F11R: variants seen among roughly 807,000 people sequenced by gnomAD.
The protein encoded by F11R is junctional adhesion molecule A.
Under a neutral mutation model 39.3 loss-of-function variants are expected in F11R, and 27 were observed. The observed-to-expected ratio is 0.69, with a 90% CI of 0.51 to 0.95. The LOEUF (loss-of-function observed/expected upper bound fraction) is 0.95. Among genes scored for constraint, F11R ranks in the 40% least tolerant of loss-of-function variants. The pLI, the probability that F11R is intolerant of heterozygous loss-of-function variation, is 0.00. For synonymous variants in F11R, 131 were observed against 144.9 expected, an observed-to-expected ratio of 0.90 and a Z score of 0.69; for missense variants, 335 against 372.7, an observed-to-expected ratio of 0.90 and a Z score of 0.83.
In F11R at chr1:160,996,034, C is replaced by T. The variant is rs1648100181; in HGVS notation, c.*2837G>A. 2.0e-5 allele frequency: 3 copies of T among 152,218 alleles called. No individual in the cohort carries two copies. Among genetic ancestry groups the T allele is most frequent in the African/African-American group, 7.2e-5 (3 of 41,392 alleles). 9.4% of individuals were successfully genotyped at this position (152,218 alleles called of 1,614,324 possible). A position where few individuals can be genotyped will look rare whatever the true frequency, so the allele number is the denominator to read the frequency against. On this transcript the variant is annotated 3_prime_UTR_variant, in exon 10 of 10. Coordinates refer to ENST00000368026, the MANE Select transcript of F11R (RefSeq NM_016946.6). ...CATTGTGGGGTTATTTGCATTTAAACACAGGCCAATGAAAAAAGCTAAATT... is the reference window on the plus strand; with the variant it reads ...CATTGTGGGGTTATTTGCATTTAAATACAGGCCAATGAAAAAAGCTAAATT...
intron 1 of F11R, among the ~76,000 whole-genome samples, chr1:161,004,964 C>G (rs1463884812): frequency 6.6e-6 from 1 of 151,624 alleles, no homozygotes; most frequent in Non-Finnish European, 1.5e-5. Flanking sequence ...AGTTCGAGAC[C>G]AGCTTGGCCA....
chr1:161,011,252 C>T (rs1649141897), intron 1 of F11R, among the ~76,000 whole-genome samples: 1 of 151,818 alleles, frequency 6.6e-6, no homozygotes, highest in Non-Finnish European at 1.5e-5. Flanking sequence ...AGGCTGGTCT[C>T]AAACTCCTGG....
At chr1:161,013,102 A>G (rs1649262186) in intron 1 of F11R, among the ~76,000 whole-genome samples, 1 of 151,696 alleles carries the variant, frequency 6.6e-6, no homozygotes, top group Non-Finnish European at 1.5e-5. Flanking sequence ...TCTAAACTCA[A>G]GTAGGCCCTG....
Position 161,015,944 on chromosome 1 carries a change from TA to T in F11R, c.64+5065del, listed in dbSNP as rs34753321. Among the ~76,000 whole-genome samples, 5 of 152,028 alleles carry T rather than the reference TA, an allele frequency of 3.3e-5. No individual in the cohort carries two copies. The South Asian group carries it at 1.0e-3, about 32-fold the overall frequency. On this transcript the variant is annotated intron_variant, in intron 1 of 9. Transcript: ENST00000368026. ...TTAACCTATTCTAATTAAATTTTTT[TA>T]AAAAAAATCACAGTAGCTCTATCTT...
chr1:161,001,499 C>G, intron 1 of F11R, 146 bp from the exon 2 acceptor site: 1 of 649,474 alleles, frequency 1.5e-6, no homozygotes, highest in Admixed American at 2.9e-5. Context: ...CTGGCTCTCA[C>G]ACTTTGTCAC....
At position 161,001,028 on chromosome 1, in the gene F11R, T is replaced by C; in HGVS notation, c.233A>G (p.Lys78Arg). 6.2e-7 allele frequency: 1 copy of C among 1,613,950 alleles called. No individual in the cohort carries two copies. The highest frequency in any genetic ancestry group is 1.1e-5 in the South Asian group (1 of 91,082). ...DTTRLVCYNN[K>R]ITASYEDRVT... ...GAGGAGAAGCAACTCACCTGTGATCTTGTTATTATAGCAAACGAGTCTGGT... is the reference window on the plus strand; with the variant it reads ...GAGGAGAAGCAACTCACCTGTGATCCTGTTATTATAGCAAACGAGTCTGGT... The change falls in exon 3 of 10, where the codon AAG becomes AGG. Residue 78 changes from lysine to arginine, a missense_variant. By Grantham distance (26) the Lys-to-Arg change is conservative (BLOSUM62 2). Transcript: ENST00000368026.
In F11R at chr1:161,021,002, G is replaced by T. The variant is rs1256132045; in HGVS notation, c.64+8C>A. 9 of 1,613,996 alleles carry T rather than the reference G, an allele frequency of 5.6e-6. No homozygotes were observed. The highest frequency in any genetic ancestry group is 7.6e-6 in the Non-Finnish European group (9 of 1,179,894). Reference sequence around the variant, plus strand: ...CAACCGATTCCTCCCGAAACTCTGGGAACTTACACAACAGGATCGCCAATA... The same window carrying T: ...CAACCGATTCCTCCCGAAACTCTGGTAACTTACACAACAGGATCGCCAATA... On this transcript the variant is annotated splice_region_variant and intron_variant, in intron 1 of 9. Coordinates refer to ENST00000368026, the MANE Select transcript of F11R (RefSeq NM_016946.6).
At chr1:161,008,873 A>G (rs1424464441) in intron 1 of F11R, among the ~76,000 whole-genome samples, 2 of 152,010 alleles carry the variant, frequency 1.3e-5, no homozygotes, top group Non-Finnish European at 2.9e-5. Flanking sequence ...TAAAATCCAA[A>G]TTTTTCTGCA....
chr1:161,004,377 T>C (rs1335228098), intron 1 of F11R, among the ~76,000 whole-genome samples: 3 of 152,240 alleles, frequency 2.0e-5, no homozygotes. Flanking sequence ...CTGGCCAACG[T>C]GGCGAAACCT....
At chr1:160,999,163 A>G (rs1320482209) in intron 8 of F11R, 72 bp from the exon 9 acceptor site, 1 of 1,601,288 alleles carries the variant, frequency 6.2e-7, no homozygotes, top group East Asian at 2.2e-5. Flanking sequence ...CCAACTTTAA[A>G]GGCCAGAAGC....
intron 1 of F11R, among the ~76,000 whole-genome samples, chr1:161,010,626 C>T (rs1174264554): frequency 6.6e-6 from 1 of 152,050 alleles, no homozygotes; most frequent in Admixed American, 6.6e-5. Flanking sequence ...TTATACCTTT[C>T]CTCAGTCAAA....
chr1:160,999,463 T>C (rs1442145487), intron 7 of F11R, 55 bp from the exon 8 acceptor site: 2 of 1,613,294 alleles, frequency 1.2e-6, no homozygotes, highest in South Asian at 1.1e-5. Flanking sequence ...ACAGCATGGC[T>C]TGGGAAGATG....
At chr1:161,018,201 T>C (rs1649568283) in intron 1 of F11R, among the ~76,000 whole-genome samples, 1 of 152,206 alleles carries the variant, frequency 6.6e-6, no homozygotes, top group Non-Finnish European at 1.5e-5. Context: ...ACCCTCTGGA[T>C]CTCTGCCCCA....
At chr1:161,007,294 C>T (rs568845354) in intron 1 of F11R, among the ~76,000 whole-genome samples, 1 of 151,850 alleles carries the variant, frequency 6.6e-6, no homozygotes, top group South Asian at 2.1e-4. Context: ...GGAGAAACCT[C>T]GTCTCTACTA....
chr1:161,011,110 G>A (rs988112952), intron 1 of F11R, among the ~76,000 whole-genome samples: 7 of 151,786 alleles, frequency 4.6e-5, no homozygotes, highest in African/African-American at 7.3e-5. Context: ...GTGGCTCATG[G>A]CAACTTCCAC....
intron 1 of F11R, among the ~76,000 whole-genome samples, chr1:161,017,530 T>C (rs1304261587): frequency 6.6e-6 from 1 of 152,230 alleles, no homozygotes; most frequent in Non-Finnish European, 1.5e-5. Flanking sequence ...TTGTCTATGA[T>C]GCAAAGACCT....
chr1:161,020,680 G>T (rs1053422602), intron 1 of F11R, among the ~76,000 whole-genome samples: 6 of 152,182 alleles, frequency 3.9e-5, no homozygotes, highest in Admixed American at 2.6e-4. Context: ...GCGCGCGCTG[G>T]GTAGATGAGT....
intron 9 of F11R, 50 bp from the exon 10 acceptor site, chr1:160,998,956 T>C (rs746832900): frequency 2.0e-5 from 32 of 1,613,770 alleles, no homozygotes; most frequent in South Asian, 3.3e-5. Context: ...CTTTAGCTGA[T>C]AATCCCCAAA....
chr1:160,999,939 T>C lies in F11R; in HGVS notation c.631A>G (p.Ser211Gly). The change falls in exon 6 of 10, where the codon AGC becomes GGC. Residue 211 changes from serine (S) to glycine (G), a missense_variant. Coordinates refer to ENST00000368026, the MANE Select transcript of F11R (RefSeq NM_016946.6). ...PLSASDTGEY[S>G]CEARNGYGTP... ...CCATACCCATTCCGTGCCTCACAGC[T>C]GTATTCTCCAGTATCAGAGGCTGAC... The C allele has an allele frequency of 6.2e-7, 1 of 1,614,194 alleles. No homozygotes were observed. The highest frequency in any genetic ancestry group is 8.5e-7 in the Non-Finnish European group (1 of 1,180,030).
Sources: gnomAD v4.1 joint callset for allele counts (sites outside exome capture counted in the v4.1 genomes callset) on GRCh38, gnomAD v4.1.1 for gene constraint, MANE v1.5 for transcripts, NCBI Gene and HGNC (gene_info 2026-07-23, HGNC 2026-07-21) for gene names.